The following TRIM27 variants were observed in gnomAD, a reference collection of about 807,000 sequenced individuals.
The protein encoded by TRIM27 is zinc finger protein RFP.
A neutral mutation model predicts 57.6 loss-of-function variants in TRIM27; 12 were observed. The ratio of observed to expected loss-of-function variants is 0.21; its 90% CI spans 0.13 to 0.34. The LOEUF (loss-of-function observed/expected upper bound fraction) is 0.34. Ranked by LOEUF, TRIM27 falls within the 10% of genes least tolerant of loss-of-function variation. TRIM27 has a pLI of 1.00. For synonymous variants in TRIM27, 266 were observed against 259.0 expected (o/e 1.03, Z -0.26); for missense variants, 403 against 656.8 (o/e 0.61, Z 4.22).
rs1440300924 is a variant in TRIM27, at chr6:28,915,883, G to GA, written c.747+4128dup. ...TTATTCAGCCATAAAGAGAAATACTGAAACATATATATATGTACTGAAATA... is the reference window on the plus strand; with the variant it reads ...TTATTCAGCCATAAAGAGAAATACTGAAAACATATATATATGTACTGAAATA... On this transcript the variant is annotated intron_variant, in intron 3 of 7. Coordinates refer to ENST00000377199, the MANE Select transcript of TRIM27 (RefSeq NM_006510.5). 6.6e-5 allele frequency: 10 copies of GA among 152,194 alleles called. No homozygotes were observed. In the East Asian group the frequency reaches 1.9e-3, roughly 29 times the overall value. The allele number at this position is 152,194 out of a possible 1,614,324, so 9.4% of individuals were successfully genotyped here.
intron 3 of TRIM27, among the ~76,000 whole-genome samples, chr6:28,913,902 G>A (rs572281450): frequency 4.0e-5 from 6 of 150,234 alleles, no homozygotes; most frequent in East Asian, 3.9e-4. Context: ...TACAATGTGT[G>A]TGCGCTTTTT....
At chr6:28,917,578 A>T (rs1326942062) in intron 3 of TRIM27, among the ~76,000 whole-genome samples, 1 of 120,286 alleles carries the variant, frequency 8.3e-6, no homozygotes, top group Non-Finnish European at 2.0e-5. Flanking sequence ...AGTATGTCTT[A>T]AAAAAAAAAA....
Position 28,911,735 on chromosome 6 carries a change from A to C in TRIM27, c.748-17T>G. ...CCCAATGTCCTGCAAGAGAAAGGAA[A>C]AAAAATAACCATGAGAAGTCATTTA... On this transcript the variant is annotated splice_polypyrimidine_tract_variant and intron_variant, in intron 3 of 7. Transcript: ENST00000377199. 1 of 1,611,154 alleles carries C rather than the reference A, an allele frequency of 6.2e-7. No homozygotes were observed. Among genetic ancestry groups the C allele is most frequent in the Non-Finnish European group, 8.5e-7 (1 of 1,179,184 alleles).
chr6:28,906,984 C>T, intron 7 of TRIM27: 1 of 485,492 alleles, frequency 2.1e-6, no homozygotes, highest in Non-Finnish European at 3.7e-6. Flanking sequence ...CTGCGGTTTC[C>T]ACCCTATAAT....
rs192359828 is a variant in TRIM27 at position 28,904,028 on chromosome 6, T to C, written c.*42A>G. 3 of 1,539,476 alleles carry C rather than the reference T, an allele frequency of 1.9e-6. No homozygotes were observed. The highest frequency in any genetic ancestry group is 2.3e-5 in the East Asian group (1 of 44,426). ...GCAACAAGATGCCTTGTGCCTGGCGTAGGATTACAGCCAACAGCCCTTTTG... is the reference window on the plus strand; with the variant it reads ...GCAACAAGATGCCTTGTGCCTGGCGCAGGATTACAGCCAACAGCCCTTTTG... On this transcript the variant is annotated 3_prime_UTR_variant, in exon 8 of 8. Transcript: ENST00000377199. The surrounding 1 kb of genome is among the most constrained non-coding windows in gnomAD (Gnocchi z 6.1).
At chr6:28,919,136 C>T (rs1397220422) in intron 3 of TRIM27, among the ~76,000 whole-genome samples, 4 of 152,066 alleles carry the variant, frequency 2.6e-5, no homozygotes, top group African/African-American at 7.2e-5. Context: ...CCTCAGCCTC[C>T]CGCGTAGCTG....
In TRIM27 at chr6:28,903,784, T is replaced by A; in HGVS notation, c.*286A>T. ...AACGGCTCTCCAAATCCAAAGATTA[T>A]CCATACTCTTTATCCCTCCAGCGAT... On this transcript the variant is annotated 3_prime_UTR_variant, in exon 8 of 8. Coordinates refer to ENST00000377199, the MANE Select transcript of TRIM27 (RefSeq NM_006510.5). The A allele has an allele frequency of 4.5e-6, 2 of 439,666 alleles. No individual in the cohort carries two copies. Among genetic ancestry groups the A allele is most frequent in the South Asian group, 5.1e-5 (1 of 19,450 alleles). 27.2% of individuals were successfully genotyped at this position (439,666 alleles called of 1,614,324 possible).
intron 7 of TRIM27, chr6:28,906,419 T>C (rs1310946642): frequency 1.3e-5 from 2 of 152,038 alleles, no homozygotes; most frequent in Non-Finnish European, 2.9e-5. Context: ...GGTTCAACAA[T>C]CTGTCTACAA....
intron 4 of TRIM27, 27 bp downstream of exon 4, chr6:28,911,669 T>C (rs756129836): frequency 4.4e-6 from 7 of 1,607,450 alleles, no homozygotes; most frequent in Non-Finnish European, 5.1e-6. Context: ...ATATTTGATT[T>C]AACACTAGGG....
chr6:28,914,045 A>C (rs893416577), intron 3 of TRIM27, among the ~76,000 whole-genome samples: 49 of 145,144 alleles, frequency 3.4e-4, no homozygotes, highest in African/African-American at 1.2e-3. Context: ...TTTTTAAGAC[A>C]GAGTCTTGCT....
At position 28,904,865 on chromosome 6, in the gene TRIM27, G is replaced by T. The variant is rs1285058997; in HGVS notation, c.947-200C>A. 6 of 563,602 alleles carry T rather than the reference G, an allele frequency of 1.1e-5. No homozygotes were observed. The highest frequency in any genetic ancestry group is 8.4e-5 in the East Asian group (3 of 35,834). The allele number at this position is 563,602 out of a possible 1,614,324, so 34.9% of individuals were successfully genotyped here. ...GTTACCAGAATACTCTGAAAATACA[G>T]AATTTTAGCCCCGTATCTTTTCTTT... On this transcript the variant is annotated intron_variant, in intron 7 of 7. Coordinates refer to ENST00000377199, the MANE Select transcript of TRIM27 (RefSeq NM_006510.5). This position sits in a 1 kb window ranked among gnomAD's most constrained non-coding sequence, Gnocchi z 6.1.
chr6:28,912,679 C>T (rs1215040547), intron 3 of TRIM27, among the ~76,000 whole-genome samples: 1 of 152,110 alleles, frequency 6.6e-6, no homozygotes. Flanking sequence ...CTAAGTCAGA[C>T]TATTTCCAGT....
chr6:28,923,955 G>T lies in TRIM27; in HGVS notation c.-323C>A, dbSNP rs979021905. The T allele has an allele frequency of 2.7e-6, 1 of 364,196 alleles. No homozygotes were observed. Among genetic ancestry groups the T allele is most frequent in the Non-Finnish European group, 4.9e-6 (1 of 203,678 alleles). 22.6% of individuals were successfully genotyped at this position (364,196 alleles called of 1,614,324 possible). Reference sequence around the variant, plus strand: ...CGGGCAAAGCGCGCAAGACAACGTGGCCGCGTCCGAGCGGATGCCGGCGGC... The same window carrying T: ...CGGGCAAAGCGCGCAAGACAACGTGTCCGCGTCCGAGCGGATGCCGGCGGC... On this transcript the variant is annotated 5_prime_UTR_variant, in exon 1 of 8. Transcript: ENST00000377199.
At chr6:28,917,405 C>A (rs1386930237) in intron 3 of TRIM27, among the ~76,000 whole-genome samples, 1 of 151,776 alleles carries the variant, frequency 6.6e-6, no homozygotes, top group Non-Finnish European at 1.5e-5. Context: ...TGGTGAAACT[C>A]CGTCTCTATA....
At chr6:28,918,668 G>C (rs1162062442) in intron 3 of TRIM27, among the ~76,000 whole-genome samples, 1 of 152,144 alleles carries the variant, frequency 6.6e-6, no homozygotes, top group Non-Finnish European at 1.5e-5. Flanking sequence ...ACGAGGTCAG[G>C]AGTTTGAGAC....
chr6:28,906,947 T>C (rs1772811033), intron 7 of TRIM27: 2 of 417,648 alleles, frequency 4.8e-6, no homozygotes, highest in African/African-American at 2.0e-5. Context: ...TGTACTAGTG[T>C]ACCAGCTCTG....
intron 3 of TRIM27, among the ~76,000 whole-genome samples, chr6:28,916,468 C>T (rs1173070175): frequency 1.3e-5 from 2 of 151,782 alleles, no homozygotes; most frequent in Non-Finnish European, 2.9e-5. Flanking sequence ...AGGAGAATCG[C>T]TTGAACCTGG....
In TRIM27 at chr6:28,904,726, A is replaced by T; in HGVS notation, c.947-61T>A. 7.6e-7 allele frequency: 1 copy of T among 1,323,982 alleles called. No homozygotes were observed. The highest frequency in any genetic ancestry group is 1.0e-6 in the Non-Finnish European group (1 of 976,556). 82.0% of individuals were successfully genotyped at this position (1,323,982 alleles called of 1,614,324 possible). On this transcript the variant is annotated intron_variant, in intron 7 of 7. Transcript: ENST00000377199. The surrounding 1 kb of genome is among the most constrained non-coding windows in gnomAD (Gnocchi z 6.1). The stretch of plus-strand genomic sequence containing the variant: ...CAGGAGAGCCTATTTTAGAACACCC[A>T]GCGCCTTTCTACTACCTCCCCAATA...
Position 28,907,220 on chromosome 6 carries a change from G to A in TRIM27, c.946+16C>T, listed in dbSNP as rs773264917. 1 of 1,607,420 alleles carries A rather than the reference G, an allele frequency of 6.2e-7. No homozygotes were observed. Among genetic ancestry groups the A allele is most frequent in the South Asian group, 1.1e-5 (1 of 89,932 alleles). On this transcript the variant is annotated intron_variant, in intron 7 of 7. Transcript: ENST00000377199. ...TTACTCCTTACCCTAATATGGTTTT[G>A]TCTCTCATCACCTACCTGAGTATAA...
Sources: allele counts gnomAD v4.1 joint callset (sites outside exome capture counted in the v4.1 genomes callset), GRCh38; gene constraint gnomAD v4.1.1; non-coding constraint Gnocchi (gnomAD v3.1); transcripts MANE v1.5; gene names NCBI Gene and HGNC (gene_info 2026-07-23, HGNC 2026-07-21).